Variants in AKT3 observed in about 807,000 individuals in gnomAD.
AKT3 encodes the protein RAC-gamma serine/threonine-protein kinase.
AKT3 carries 15 observed loss-of-function variants against 65.3 expected under a neutral mutation model. That is an observed-to-expected ratio of 0.23 (90% CI 0.15 to 0.35). The LOEUF is 0.35. Among genes scored for constraint, AKT3 ranks in the 10% least tolerant of loss-of-function variants. The pLI, the probability that AKT3 is intolerant of heterozygous loss-of-function variation, is 1.00. For synonymous variants in AKT3, 206 were observed against 183.8 expected, an observed-to-expected ratio of 1.12 and a Z score of -0.98; for missense variants, 243 against 576.5, an observed-to-expected ratio of 0.42 and a Z score of 5.92.
At chr1:243,777,708 A>G (rs182123733) in intron 2 of AKT3, among the ~76,000 whole-genome samples, 2 of 152,308 alleles carry the variant, frequency 1.3e-5, no homozygotes, top group Admixed American at 6.5e-5. Flanking sequence ...ACTGTACTTT[A>G]TAATATAAAA....
chr1:243,578,384 G>A (rs1233591074), intron 8 of AKT3, among the ~76,000 whole-genome samples: 1 of 152,098 alleles, frequency 6.6e-6, no homozygotes, highest in African/African-American at 2.4e-5. Context: ...TCCTCTGCAG[G>A]GACATGAATG....
At position 243,510,223 on chromosome 1, in the gene AKT3, C is replaced by G. The variant is rs143707766; in HGVS notation, c.1354+2101G>C. Among the ~76,000 whole-genome samples, 595 of 152,300 alleles carry G rather than the reference C, an allele frequency of 3.9e-3. 2 individuals are homozygous for G. The highest frequency in any genetic ancestry group is 6.9e-3 in the Non-Finnish European group (470 of 68,014). ...GAGGGGAGGCAAGCCTGGGTGTCCT[C>G]CCGGCTCTGAAGTTCCTAGGCCCTC... On this transcript the variant is annotated intron_variant, in intron 13 of 13. Coordinates refer to ENST00000673466, the MANE Select transcript of AKT3 (RefSeq NM_005465.7).
chr1:243,534,986 A>T (rs1206026635), intron 12 of AKT3, among the ~76,000 whole-genome samples: 1 of 151,824 alleles, frequency 6.6e-6, no homozygotes, highest in African/African-American at 2.4e-5. Flanking sequence ...TTAGAGCGGA[A>T]ATCAATGAAA....
intron 10 of AKT3, 81 bp downstream of exon 10, chr1:243,563,639 G>C: frequency 6.7e-7 from 1 of 1,493,482 alleles, no homozygotes; most frequent in South Asian, 1.4e-5. Flanking sequence ...AGATACTACA[G>C]TTAACTTTTA....
In AKT3 at chr1:243,765,082, G is replaced by A. The variant is rs563822804; in HGVS notation, c.47-69366C>T. Among the ~76,000 whole-genome samples the A allele has an allele frequency of 7.9e-5, 12 of 151,886 alleles. No homozygotes were observed. In the South Asian group the frequency reaches 1.5e-3, roughly 18 times the overall value. Reference sequence around the variant, plus strand: ...ACCACTTATTGATACATCATTTCACGGCTGTGTTTAGGGTAAAGAGAAAAA... The same window carrying A: ...ACCACTTATTGATACATCATTTCACAGCTGTGTTTAGGGTAAAGAGAAAAA... On this transcript the variant is annotated intron_variant, in intron 2 of 13. Coordinates refer to ENST00000673466, the MANE Select transcript of AKT3 (RefSeq NM_005465.7).
At chr1:243,718,451 G>A (rs1686651221) in intron 2 of AKT3, among the ~76,000 whole-genome samples, 1 of 151,626 alleles carries the variant, frequency 6.6e-6, no homozygotes, top group Admixed American at 6.6e-5. Flanking sequence ...CCTATCTACT[G>A]TTTTGTTTTG....
intron 8 of AKT3, among the ~76,000 whole-genome samples, chr1:243,592,228 T>C (rs1676281063): frequency 6.6e-6 from 1 of 151,396 alleles, no homozygotes; most frequent in African/African-American, 2.4e-5. Flanking sequence ...CCAGCTACTC[T>C]GGAGGCTGAG....
chr1:243,551,420 A>G (rs143096159), intron 11 of AKT3, among the ~76,000 whole-genome samples: 16 of 152,314 alleles, frequency 1.1e-4, no homozygotes, highest in African/African-American at 2.4e-4. Flanking sequence ...CAGAAAGACA[A>G]TATCTCTTTT....
intron 4 of AKT3, among the ~76,000 whole-genome samples, chr1:243,652,624 G>A (rs558760633): frequency 6.6e-5 from 10 of 151,988 alleles, no homozygotes; most frequent in African/African-American, 2.4e-4. Context: ...TGGGCTAAAT[G>A]CCCCAATGAC....
chr1:243,644,421 C>T (rs900592124), intron 5 of AKT3, among the ~76,000 whole-genome samples: 1 of 152,014 alleles, frequency 6.6e-6, no homozygotes, highest in African/African-American at 2.4e-5. Flanking sequence ...AGTACTGGCT[C>T]CCACCCTGTG....
At chr1:243,737,314 A>G (rs778198964) in intron 2 of AKT3, among the ~76,000 whole-genome samples, 19 of 152,216 alleles carry the variant, frequency 1.2e-4, no homozygotes, top group Admixed American at 7.2e-4. Flanking sequence ...TAATTCAGGT[A>G]AAACACCTAA....
At chr1:243,668,399 A>G (rs1682943413) in intron 3 of AKT3, among the ~76,000 whole-genome samples, 1 of 152,242 alleles carries the variant, frequency 6.6e-6, no homozygotes, top group Non-Finnish European at 1.5e-5. Flanking sequence ...GGAGTACAGA[A>G]GCAAGTAAAA....
chr1:243,757,771 T>C lies in AKT3; in HGVS notation c.47-62055A>G, dbSNP rs1017743443. On this transcript the variant is annotated intron_variant, in intron 2 of 13. Coordinates refer to ENST00000673466, the MANE Select transcript of AKT3 (RefSeq NM_005465.7). Reference sequence around the variant, plus strand: ...ACAGATTTATCTAATTAATACTTTTTTTTTTTTCATATGGAATCTTGCTCT... The same window carrying C: ...ACAGATTTATCTAATTAATACTTTTCTTTTTTTCATATGGAATCTTGCTCT... Among the ~76,000 whole-genome samples, 29 of 152,148 alleles carry C rather than the reference T, an allele frequency of 1.9e-4. 2 individuals carry two copies. The highest frequency in any genetic ancestry group is 7.0e-4 in the African/African-American group (29 of 41,484).
At chr1:243,770,297 GCCTT>G (rs774999885) in intron 2 of AKT3, among the ~76,000 whole-genome samples, 18 of 152,108 alleles carry the variant, frequency 1.2e-4, no homozygotes, top group Admixed American at 2.6e-4. Flanking sequence ...GGTAGGAAAA[GCCTT>G]AGAGGGCATT....
chr1:243,693,743 A>C (rs1464609647), intron 3 of AKT3, among the ~76,000 whole-genome samples: 1 of 152,152 alleles, frequency 6.6e-6, no homozygotes, highest in Non-Finnish European at 1.5e-5. Flanking sequence ...TTCCTCACAT[A>C]ACTGTTATTA....
intron 2 of AKT3, among the ~76,000 whole-genome samples, chr1:243,787,214 A>G (rs913450214): frequency 2.0e-5 from 3 of 152,228 alleles, no homozygotes; most frequent in Non-Finnish European, 4.4e-5. Context: ...TGAAACTTTA[A>G]CCTAGTAAGA....
At chr1:243,515,032 T>G (rs1278949074) in intron 12 of AKT3, among the ~76,000 whole-genome samples, 8 of 152,220 alleles carry the variant, frequency 5.3e-5, no homozygotes, top group Non-Finnish European at 1.2e-4. Context: ...TTAAAGAATT[T>G]TATGCAAATG....
intron 12 of AKT3, among the ~76,000 whole-genome samples, chr1:243,531,771 T>C (rs1671547415): frequency 6.6e-6 from 1 of 152,212 alleles, no homozygotes; most frequent in Non-Finnish European, 1.5e-5. Context: ...CATTCATTTA[T>C]GTCTTCTTTT....
intron 8 of AKT3, among the ~76,000 whole-genome samples, chr1:243,590,446 A>G (rs1237534251): frequency 6.6e-6 from 1 of 152,226 alleles, no homozygotes; most frequent in Admixed American, 6.5e-5. Flanking sequence ...ATGATTTAGC[A>G]TCCAATCAAC....
Sources: gnomAD v4.1 joint callset for allele counts (sites outside exome capture counted in the v4.1 genomes callset) on GRCh38, gnomAD v4.1.1 for gene constraint, MANE v1.5 for transcripts, NCBI Gene and HGNC (gene_info 2026-07-23, HGNC 2026-07-21) for gene names.